Variants in SLIT3 observed in about 807,000 individuals in gnomAD.
SLIT3 encodes slit guidance ligand 3.
Under a neutral mutation model 184.0 loss-of-function variants are expected in SLIT3, and 68 were observed. That is an observed-to-expected ratio of 0.37 (90% confidence interval 0.30 to 0.45). The LOEUF (loss-of-function observed/expected upper bound fraction) is 0.45. Among genes scored for constraint, SLIT3 ranks in the 20% least tolerant of loss-of-function variants. The pLI is 1.00. For missense variants in SLIT3, 1,707 were observed against 2,026.0 expected (o/e 0.84, Z 3.02); for synonymous variants, 831 against 828.6 (o/e 1.00, Z -0.05).
intron 3 of SLIT3, among the ~76,000 whole-genome samples, chr5:169,214,592 G>A (rs954535636): frequency 3.9e-5 from 6 of 152,194 alleles, no homozygotes; most frequent in Admixed American, 2.6e-4. Context: ...GTGGAAGTGG[G>A]TGGAGTTCTT....
chr5:169,078,067 G>A (rs1216135876), intron 4 of SLIT3, among the ~76,000 whole-genome samples: 1 of 152,086 alleles, frequency 6.6e-6, no homozygotes, highest in Non-Finnish European at 1.5e-5. Context: ...CTTTCTAGGG[G>A]CATGATCTGG....
chr5:168,697,019 T>C (rs185630079), intron 27 of SLIT3, among the ~76,000 whole-genome samples: 240 of 152,234 alleles, frequency 1.6e-3, no homozygotes, highest in Middle Eastern at 0.01. Context: ...GTTGTGAAGA[T>C]TGAGATTATA....
At chr5:168,951,248 T>C (rs1436396731) in intron 4 of SLIT3, among the ~76,000 whole-genome samples, 2 of 152,028 alleles carry the variant, frequency 1.3e-5, no homozygotes, top group Non-Finnish European at 2.9e-5. Flanking sequence ...ACCCATCAAA[T>C]CTATTTAATT....
At chr5:168,986,253 T>G (rs1755124941) in intron 4 of SLIT3, among the ~76,000 whole-genome samples, 1 of 152,290 alleles carries the variant, frequency 6.6e-6, no homozygotes, top group East Asian at 1.9e-4. Context: ...TCACGATCCC[T>G]ATATGATAGA....
chr5:168,850,754 A>G (rs1440957308), intron 5 of SLIT3, among the ~76,000 whole-genome samples: 1 of 152,216 alleles, frequency 6.6e-6, no homozygotes, highest in Non-Finnish European at 1.5e-5. Flanking sequence ...ATAGATCATA[A>G]TGCCGTTCAA....
At chr5:169,271,322 C>A (rs1462435647) in intron 1 of SLIT3, among the ~76,000 whole-genome samples, 1 of 152,218 alleles carries the variant, frequency 6.6e-6, no homozygotes, top group Non-Finnish European at 1.5e-5. Context: ...TTTCTCCCAG[C>A]TCACGGCCCC....
At chr5:169,000,071 CA>C (rs370327429) in intron 4 of SLIT3, among the ~76,000 whole-genome samples, 1 of 151,998 alleles carries the variant, frequency 6.6e-6, no homozygotes, top group Non-Finnish European at 1.5e-5. Context: ...TTATTGACGA[CA>C]AAAAATCAGT....
At position 169,026,554 on chromosome 5, in the gene SLIT3, T is replaced by C. The variant is rs952216121; in HGVS notation, c.414-143218A>G. The C allele has an allele frequency of 1.5e-4, 23 of 152,070 alleles. No homozygotes were observed. In the South Asian group the frequency reaches 2.3e-3, roughly 15 times the overall value. The allele number at this position is 152,070 out of a possible 1,614,324, so 9.4% of individuals were successfully genotyped here. A position where few individuals can be genotyped will look rare whatever the true frequency, so the allele number is the denominator to read the frequency against. On this transcript the variant is annotated intron_variant, in intron 4 of 35. Transcript: ENST00000519560. ...ACAGACTGCTGAAGATCTAGAGTTA[T>C]TGATATGGAAAGATGCCCATGATGT... is the stretch of plus-strand genomic sequence containing the variant.
chr5:169,215,066 T>C (rs1164608955), intron 3 of SLIT3, among the ~76,000 whole-genome samples: 1 of 152,160 alleles, frequency 6.6e-6, no homozygotes, highest in African/African-American at 2.4e-5. Context: ...CTCCCTATAA[T>C]ACAAACTTAA....
chr5:169,212,494 T>C (rs955184252), intron 3 of SLIT3, among the ~76,000 whole-genome samples: 2 of 152,204 alleles, frequency 1.3e-5, no homozygotes, highest in Non-Finnish European at 2.9e-5. Context: ...TAAATTTAAG[T>C]TCTTTGTAGA....
intron 13 of SLIT3, among the ~76,000 whole-genome samples, chr5:168,773,739 A>C (rs1028518208): frequency 5.9e-5 from 9 of 152,130 alleles, no homozygotes; most frequent in Non-Finnish European, 1.3e-4. Flanking sequence ...TATACTTCCC[A>C]TAGAGGAAGA....
chr5:168,966,448 T>C lies in SLIT3; in HGVS notation c.414-83112A>G, dbSNP rs115829648. Among the ~76,000 whole-genome samples the C allele has an allele frequency of 5.3e-3, 807 of 152,180 alleles. 7 individuals carry two copies. Among genetic ancestry groups the C allele is most frequent in the African/African-American group, 0.018 (766 of 41,508 alleles). ...GCCTGGGTCAGGGCACCAGGAGGTA[T>C]GAGACTGAAAGAGAACTAAAGGGAT... On this transcript the variant is annotated intron_variant, in intron 4 of 35. Coordinates refer to ENST00000519560, the MANE Select transcript of SLIT3 (RefSeq NM_003062.4).
intron 4 of SLIT3, among the ~76,000 whole-genome samples, chr5:169,076,234 G>A (rs1371479859): frequency 6.6e-6 from 1 of 152,196 alleles, no homozygotes; most frequent in East Asian, 1.9e-4. Context: ...CATAAAGAGT[G>A]CTATTCAAAA....
chr5:168,758,891 A>G (rs1378682187), intron 16 of SLIT3, among the ~76,000 whole-genome samples: 1 of 152,238 alleles, frequency 6.6e-6, no homozygotes, highest in African/African-American at 2.4e-5. Flanking sequence ...GAGTGCTGAT[A>G]TGATGCCACA....
At chr5:168,925,143 G>A (rs1361575394) in intron 4 of SLIT3, among the ~76,000 whole-genome samples, 1 of 152,210 alleles carries the variant, frequency 6.6e-6, no homozygotes, top group African/African-American at 2.4e-5. Flanking sequence ...GTTTAAGCAG[G>A]AAGTCCAACA....
Position 169,143,205 on chromosome 5 carries a change from C to T in SLIT3, c.413+50274G>A, listed in dbSNP as rs142424586. Among the ~76,000 whole-genome samples the T allele has an allele frequency of 3.0e-3, 460 of 152,342 alleles. 2 individuals carry two copies. The highest frequency in any genetic ancestry group is 0.011 in the African/African-American group (439 of 41,574). ...CTGAGCACCTACTAGGTGCCAGATA[C>T]TGTACCATGCCATTCAGTAATAACA... On this transcript the variant is annotated intron_variant, in intron 4 of 35. Coordinates refer to ENST00000519560, the MANE Select transcript of SLIT3 (RefSeq NM_003062.4).
intron 8 of SLIT3, among the ~76,000 whole-genome samples, chr5:168,816,537 C>CA (rs35204520): frequency 0.24 from 36,802 of 151,982 alleles, 4,671 homozygotes; most frequent in East Asian, 0.42. Context: ...CTGGGTTACT[C>CA]AGCCACCTCC....
intron 4 of SLIT3, among the ~76,000 whole-genome samples, chr5:169,189,071 C>T (rs755819677): frequency 2.0e-5 from 3 of 152,062 alleles, no homozygotes; most frequent in Non-Finnish European, 4.4e-5. Context: ...CAGACCACAG[C>T]GATATAAGTT....
chr5:168,708,669 G>A lies in SLIT3; in HGVS notation c.2720-569C>T, dbSNP rs116164395. On this transcript the variant is annotated intron_variant, in intron 25 of 35. Coordinates refer to ENST00000519560, the MANE Select transcript of SLIT3 (RefSeq NM_003062.4). ...TCAGGTACATGTTACGTCTGTGACC[G>A]TTTCAGCCGTGTGCTTGCTTTAGCT... is the stretch of plus-strand genomic sequence containing the variant. 7.8e-3 allele frequency: 1,218 copies of A among 156,634 alleles called. 23 individuals are homozygous for A. The highest frequency in any genetic ancestry group is 0.027 in the African/African-American group (1,140 of 41,598). The allele number at this position is 156,634 out of a possible 1,614,324, so 9.7% of individuals were successfully genotyped here.
Sources: gnomAD v4.1 joint callset for allele counts (sites outside exome capture counted in the v4.1 genomes callset) on GRCh38, gnomAD v4.1.1 for gene constraint, MANE v1.5 for transcripts, NCBI Gene and HGNC (gene_info 2026-07-23, HGNC 2026-07-21) for gene names.